The following GIT1 variants were observed in gnomAD, a reference collection of about 807,000 sequenced individuals.
GIT1 encodes ARF GTPase-activating protein GIT1.
GIT1 carries 14 observed loss-of-function variants against 91.7 expected under a neutral mutation model. The observed-to-expected ratio is 0.15, with a 90% CI of 0.10 to 0.24. GIT1 has a LOEUF of 0.24. Ranked by LOEUF, GIT1 falls within the 10% of genes least tolerant of loss-of-function variation. The pLI is 1.00. For missense variants in GIT1, 717 were observed against 1,024.9 expected (o/e 0.70, Z 4.10); for synonymous variants, 414 against 418.2 (o/e 0.99, Z 0.12).
chr17:29,577,642 C>G lies in GIT1; in HGVS notation c.981+3G>C, dbSNP rs758299686. Reference sequence around the variant, plus strand: ...CCCCAGGCCCCCAATCCAGCCCCCTCACCTGATTCCGCGTGGCTGAGTATT... The same window carrying G: ...CCCCAGGCCCCCAATCCAGCCCCCTGACCTGATTCCGCGTGGCTGAGTATT... On this transcript the variant is annotated splice_donor_region_variant and intron_variant, in intron 10 of 19. Transcript: ENST00000225394. 1 of 1,588,776 alleles carries G rather than the reference C, an allele frequency of 6.3e-7. No homozygotes were observed. The highest frequency in any genetic ancestry group is 8.6e-7 in the Non-Finnish European group (1 of 1,157,068).
chr17:29,589,029 C>A lies in GIT1; in HGVS notation c.52+298G>T, dbSNP rs2033705074. Among the ~76,000 whole-genome samples, 1 of 152,206 alleles carries A rather than the reference C, an allele frequency of 6.6e-6. No individual in the cohort carries two copies. The highest frequency in any genetic ancestry group is 6.5e-5 in the Admixed American group (1 of 15,290). On this transcript the variant is annotated intron_variant, in intron 1 of 19. Coordinates refer to ENST00000225394, the MANE Select transcript of GIT1 (RefSeq NM_014030.4). This position sits in a 1 kb window ranked among gnomAD's most constrained non-coding sequence, Gnocchi z 5.2. ...CCCAGGCTGGCGCTTCCGTCGGATA[C>A]AGAGATGGAGGTGGAGGAGCAGCCA...
At chr17:29,577,577 A>G (rs928613482) in intron 10 of GIT1, 68 bp downstream of exon 10, 3 of 1,023,334 alleles carry the variant, frequency 2.9e-6, no homozygotes, top group Admixed American at 1.7e-5. Flanking sequence ...GCCCCAGCCC[A>G]CTGCCGGATG....
chr17:29,576,171 C>A lies in GIT1; in HGVS notation c.1612-40G>T, dbSNP rs772927905. ...ACAGCGAGCGTCATGGTGGACCCTG[C>A]GGCAGCCCCACCCATCTCCCCACAC... On this transcript the variant is annotated intron_variant, in intron 14 of 19. Transcript: ENST00000225394. The A allele has an allele frequency of 1.9e-6, 3 of 1,610,546 alleles. No homozygotes were observed. In the Admixed American group the frequency reaches 5.0e-5, roughly 27 times the overall value.
In GIT1 at chr17:29,575,007, T is replaced by A. The variant is rs998501569; in HGVS notation, c.2073+72A>T. 1.4e-6 allele frequency: 2 copies of A among 1,473,706 alleles called. No individual in the cohort carries two copies. Among genetic ancestry groups the A allele is most frequent in the African/African-American group, 1.4e-5 (1 of 71,712 alleles). 91.3% of individuals were successfully genotyped at this position (1,473,706 alleles called of 1,614,324 possible). A position where few individuals can be genotyped will look rare whatever the true frequency, so the allele number is the denominator to read the frequency against. On this transcript the variant is annotated intron_variant, in intron 19 of 19. Coordinates refer to ENST00000225394, the MANE Select transcript of GIT1 (RefSeq NM_014030.4). The surrounding 1 kb of genome is among the most constrained non-coding windows in gnomAD (Gnocchi z 5.5). ...GTCTGTGTCTCCACCCAGGTAGCGA[T>A]CAGATGGGATTCTCCACGCCTGCCC...
At chr17:29,577,093 G>C in intron 11 of GIT1, 43 bp downstream of exon 11, 1 of 1,607,254 alleles carries the variant, frequency 6.2e-7, no homozygotes, top group South Asian at 1.1e-5. Context: ...AAGACCCCTG[G>C]AGCCCCGCCT....
rs1350132683 is a variant in GIT1, at chr17:29,573,984, C to T, written c.*718G>A. 6.6e-6 allele frequency: 1 copy of T among 152,518 alleles called. No homozygotes were observed. Among genetic ancestry groups the T allele is most frequent in the African/African-American group, 2.4e-5 (1 of 41,428 alleles). 9.4% of individuals were successfully genotyped at this position (152,518 alleles called of 1,614,324 possible). On this transcript the variant is annotated 3_prime_UTR_variant, in exon 20 of 20. Transcript: ENST00000225394. ...AAGGGAAGCTGATCCCCATGCTGGT[C>T]CCACTGCTCTGGTCCCCTCACCCCT...
chr17:29,582,043 T>C lies in GIT1; in HGVS notation c.507A>G (p.Thr169=), dbSNP rs934065962. 5.6e-6 allele frequency: 9 copies of C among 1,611,308 alleles called. No individual in the cohort carries two copies. In the African/African-American group the frequency reaches 1.2e-4, roughly 22 times the overall value. ...CTGCCTTGGCAGCCACGTGCAGAGG[T>C]GTGGTGCCCTTCTCTGGGTGGAAGA... ...ANFFHPEKGT[T]PLHVAAKAGQ... is the part of the protein sequence containing the mutation. The change falls in exon 5 of 20, where the codon ACA becomes ACG. Residue 169 remains threonine (T), a synonymous_variant. Transcript: ENST00000225394.
Position 29,575,232 on chromosome 17 carries a change from A to G in GIT1, c.2009+56T>C, listed in dbSNP as rs545018364. 16 of 1,569,228 alleles carry G rather than the reference A, an allele frequency of 1.0e-5. No homozygotes were observed. The Admixed American group carries it at 1.6e-4, about 15-fold the overall frequency. On this transcript the variant is annotated intron_variant, in intron 18 of 19. Transcript: ENST00000225394. This position sits in a 1 kb window ranked among gnomAD's most constrained non-coding sequence, Gnocchi z 5.5. ...CCCAGGGCCCCTCATGCTCTCTGCA[A>G]CACCCTAGAAGCCAACAGGAACTGC...
chr17:29,582,173 C>T (rs764715318), intron 4 of GIT1, 29 bp from the exon 5 acceptor site: 40 of 1,489,538 alleles, frequency 2.7e-5, no homozygotes, highest in East Asian at 7.4e-5. Context: ...GCAGTGAATA[C>T]GCATGTGCGT....
chr17:29,582,550 A>C (rs575407198), intron 4 of GIT1, 148 bp downstream of exon 4: 2 of 631,190 alleles, frequency 3.2e-6, no homozygotes, highest in Non-Finnish European at 5.7e-6. Flanking sequence ...CTGACCCAAC[A>C]ATCTGCTCTC....
At chr17:29,586,997 G>A (rs755695189) in intron 1 of GIT1, among the ~76,000 whole-genome samples, 5 of 152,158 alleles carry the variant, frequency 3.3e-5, no homozygotes, top group Non-Finnish European at 5.9e-5. Context: ...GCTCTCTGGG[G>A]ACAGGCTGCA....
At chr17:29,576,773 A>AG (rs1359581538) in intron 12 of GIT1, 90 bp downstream of exon 12, 4 of 1,577,118 alleles carry the variant, frequency 2.5e-6, no homozygotes, top group African/African-American at 2.7e-5. Flanking sequence ...CCTGTCCCTC[A>AG]GGCCCCTGGG....
intron 14 of GIT1, 37 bp downstream of exon 14, chr17:29,576,183 C>A: frequency 6.2e-7 from 1 of 1,609,728 alleles, no homozygotes; most frequent in Admixed American, 1.7e-5. Context: ...GCAGCCCCAC[C>A]CATCTCCCCA....
At chr17:29,587,767 A>C (rs2033636938) in intron 1 of GIT1, among the ~76,000 whole-genome samples, 1 of 152,188 alleles carries the variant, frequency 6.6e-6, no homozygotes, top group African/African-American at 2.4e-5. Context: ...TTACAGAGTA[A>C]GCTGGGAACA....
At position 29,576,098 on chromosome 17, in the gene GIT1, C is replaced by A. The variant is rs748760392; in HGVS notation, c.1645G>T (p.Val549Phe). The change falls in exon 15 of 20, where the codon GTC becomes TTC. Residue 549 changes from valine (V) to phenylalanine (F), a missense_variant. This residue lies in a region of GIT1 where 312 missense variants were observed against 349.5 expected (regional missense o/e 0.89). Coordinates refer to ENST00000225394, the MANE Select transcript of GIT1 (RefSeq NM_014030.4). The stretch of plus-strand genomic sequence containing the variant: ...CTTACCCGGTAAAGGCCAGCAGGGA[C>A]GTGCACTGAATAGATGGCGTCGTCC... ...LEDDAIYSVH[V>F]PAGLYRIRKG... The A allele has an allele frequency of 1.2e-6, 2 of 1,613,646 alleles. No homozygotes were observed. The highest frequency in any genetic ancestry group is 1.1e-5 in the South Asian group (1 of 91,088).
Position 29,581,914 on chromosome 17 carries a change from A to C in GIT1, c.623+13T>G. 1 of 1,611,274 alleles carries C rather than the reference A, an allele frequency of 6.2e-7. No homozygotes were observed. Among genetic ancestry groups the C allele is most frequent in the Non-Finnish European group, 8.5e-7 (1 of 1,178,948 alleles). ...CCCACCCACCCACACTGCACCCTTCAGCCGACCCTCACCTGGCATAGTCAA... is the reference window on the plus strand; with the variant it reads ...CCCACCCACCCACACTGCACCCTTCCGCCGACCCTCACCTGGCATAGTCAA... On this transcript the variant is annotated intron_variant, in intron 5 of 19. Transcript: ENST00000225394. This position sits in a 1 kb window ranked among gnomAD's most constrained non-coding sequence, Gnocchi z 4.8.
Position 29,575,549 on chromosome 17 carries a change from G to T in GIT1, c.1827-79C>A. ...TTCCAGCCTCGGAGCCGCCCGCCTT[G>T]GTCCTCACACACTGGGGGCCCTCTC... On this transcript the variant is annotated intron_variant, in intron 17 of 19. Coordinates refer to ENST00000225394, the MANE Select transcript of GIT1 (RefSeq NM_014030.4). The surrounding 1 kb of genome is among the most constrained non-coding windows in gnomAD (Gnocchi z 5.5). 1.3e-6 allele frequency: 2 copies of T among 1,560,384 alleles called. No individual in the cohort carries two copies. The highest frequency in any genetic ancestry group is 1.1e-5 in the South Asian group (1 of 88,526).
chr17:29,576,151 G>T lies in GIT1; in HGVS notation c.1612-20C>A, dbSNP rs755855079. The T allele has an allele frequency of 6.2e-7, 1 of 1,613,240 alleles. No homozygotes were observed. The highest frequency in any genetic ancestry group is 8.5e-7 in the Non-Finnish European group (1 of 1,179,604). On this transcript the variant is annotated intron_variant, in intron 14 of 19. Transcript: ENST00000225394. The stretch of plus-strand genomic sequence containing the variant: ...TAGCTCCTGGGGATGTTAGCACAGC[G>T]AGCGTCATGGTGGACCCTGCGGCAG...
At chr17:29,577,383 G>C in intron 10 of GIT1, 136 bp from the exon 11 acceptor site, 1 of 745,406 alleles carries the variant, frequency 1.3e-6, no homozygotes, top group Non-Finnish European at 2.3e-6. Context: ...AGCTTCACCT[G>C]GCTAGTCAGC....
Sources: allele counts gnomAD v4.1 joint callset (sites outside exome capture counted in the v4.1 genomes callset), GRCh38; gene constraint gnomAD v4.1.1; regional missense constraint gnomAD v4.1.1; non-coding constraint Gnocchi (gnomAD v3.1); transcripts MANE v1.5; gene names NCBI Gene and HGNC (gene_info 2026-07-23, HGNC 2026-07-21).